The following PRKG1 variants were observed in gnomAD, a reference collection of about 807,000 sequenced individuals.
The protein encoded by PRKG1 is cGMP-dependent protein kinase 1.
In PRKG1, 35 loss-of-function variants were observed where a neutral mutation model predicts 88.1. That is an observed-to-expected ratio of 0.40 (90% CI 0.30 to 0.53). PRKG1 has a LOEUF of 0.53. Among genes scored for constraint, PRKG1 ranks in the 20% least tolerant of loss-of-function variants. The pLI, the probability that PRKG1 is intolerant of heterozygous loss-of-function variation, is 0.59. For synonymous variants in PRKG1, 303 were observed against 292.5 expected (o/e 1.04, Z -0.37); for missense variants, 540 against 839.8 (o/e 0.64, Z 4.41).
intron 1 of PRKG1, among the ~76,000 whole-genome samples, chr10:51,009,355 T>A (rs1439340859): frequency 6.6e-6 from 1 of 152,214 alleles, no homozygotes; most frequent in Admixed American, 6.5e-5. Context: ...ATAAACTATT[T>A]TTAAGTTAAC....
chr10:51,853,630 T>A (rs1840611129), intron 4 of PRKG1, among the ~76,000 whole-genome samples: 3 of 152,186 alleles, frequency 2.0e-5, no homozygotes, highest in Admixed American at 2.0e-4. Context: ...AGCTTAAGTA[T>A]GTTTGCAAAG....
intron 3 of PRKG1, among the ~76,000 whole-genome samples, chr10:51,627,959 T>C (rs1294394899): frequency 4.6e-5 from 1 of 21,646 alleles, no homozygotes; most frequent in Non-Finnish European, 1.3e-4. Context: ...TCTTTCTTTC[T>C]TTCTTTCTTT....
intron 2 of PRKG1, among the ~76,000 whole-genome samples, chr10:51,467,355 G>A (rs1360170550): frequency 6.6e-6 from 1 of 152,080 alleles, no homozygotes; most frequent in East Asian, 1.9e-4. Flanking sequence ...CAAGTATGAA[G>A]TGTGCTGTAG....
At chr10:51,224,373 A>C (rs1001932006) in intron 2 of PRKG1, among the ~76,000 whole-genome samples, 8 of 152,218 alleles carry the variant, frequency 5.3e-5, no homozygotes, top group African/African-American at 1.9e-4. Flanking sequence ...CGATCTCTTC[A>C]GCCTTGTTCC....
rs536474896 is a variant in PRKG1, at chr10:51,125,550, C to T, written c.312-27614C>T. On this transcript the variant is annotated intron_variant, in intron 1 of 17. Transcript: ENST00000373980. ...TACAAAAATTAGCTGGGCATGATGG[C>T]GGGTGCCTGTAATCCCAGCTACTTG... is the stretch of plus-strand genomic sequence containing the variant. 6.0e-5 allele frequency among the ~76,000 whole-genome samples: 9 copies of T among 149,204 alleles called. No individual in the cohort carries two copies. In the South Asian group the frequency reaches 1.5e-3, roughly 24 times the overall value.
chr10:51,375,760 G>GT (rs887492553), intron 2 of PRKG1, among the ~76,000 whole-genome samples: 1 of 143,212 alleles, frequency 7.0e-6, no homozygotes, highest in African/African-American at 2.6e-5. Context: ...GTGGTGGGGG[G>GT]GTGTTACTAT....
intron 3 of PRKG1, among the ~76,000 whole-genome samples, chr10:51,708,175 T>G (rs1157124867): frequency 1.3e-5 from 2 of 152,170 alleles, no homozygotes; most frequent in Non-Finnish European, 2.9e-5. Flanking sequence ...TTTTTCCTGA[T>G]CCTCTCTCCT....
chr10:51,550,060 C>T lies in PRKG1; in HGVS notation c.592+82224C>T, dbSNP rs575157236. On this transcript the variant is annotated intron_variant, in intron 3 of 17. Transcript: ENST00000373980. ...GAATTGTGTCACCTTTAATAATACT[C>T]AATTCCCTTCCTGTGTATCATCAAA... Among the ~76,000 whole-genome samples, 5 of 152,232 alleles carry T rather than the reference C, an allele frequency of 3.3e-5. No individual in the cohort carries two copies. The South Asian group carries it at 1.0e-3, about 32-fold the overall frequency.
chr10:51,046,242 A>G (rs1430606368), intron 1 of PRKG1, among the ~76,000 whole-genome samples: 2 of 152,236 alleles, frequency 1.3e-5, no homozygotes, highest in East Asian at 3.8e-4. Context: ...CCAAGTAAGT[A>G]CATTCCAGAT....
intron 2 of PRKG1, among the ~76,000 whole-genome samples, chr10:51,319,161 T>C (rs1425872506): frequency 6.6e-6 from 1 of 152,160 alleles, no homozygotes; most frequent in Non-Finnish European, 1.5e-5. Context: ...CTCCACTTAC[T>C]CCCTTGAAGG....
chr10:52,041,053 A>G (rs1348225714), intron 5 of PRKG1, among the ~76,000 whole-genome samples: 2 of 151,666 alleles, frequency 1.3e-5, no homozygotes, highest in Non-Finnish European at 2.9e-5. Flanking sequence ...TGGCCAGGCT[A>G]GTTTTGAACT....
chr10:51,607,694 A>G (rs959666123), intron 3 of PRKG1, among the ~76,000 whole-genome samples: 18 of 152,230 alleles, frequency 1.2e-4, no homozygotes, highest in Non-Finnish European at 2.1e-4. Flanking sequence ...AAGAAAAGAG[A>G]TAAGTGCCTA....
chr10:51,915,602 G>C (rs1169603036), intron 5 of PRKG1, among the ~76,000 whole-genome samples: 3 of 151,924 alleles, frequency 2.0e-5, no homozygotes, highest in Non-Finnish European at 2.9e-5. Context: ...AAAAAGAGAA[G>C]AGCTTAAGAA....
chr10:51,631,726 C>T (rs532441293), intron 3 of PRKG1, among the ~76,000 whole-genome samples: 8 of 152,296 alleles, frequency 5.3e-5, no homozygotes, highest in Non-Finnish European at 1.2e-4. Context: ...CAATAGCGTT[C>T]GCGCTCCTGT....
chr10:51,598,323 C>T (rs1370094284), intron 3 of PRKG1, among the ~76,000 whole-genome samples: 1 of 152,118 alleles, frequency 6.6e-6, no homozygotes, highest in Non-Finnish European at 1.5e-5. Flanking sequence ...ACCCAGGCTG[C>T]AGTGCAATGT....
At position 51,340,099 on chromosome 10, in the gene PRKG1, G is replaced by A. The variant is rs146723972; in HGVS notation, c.479-127624G>A. ...CATTTTATAGGAGAATCAGTCTTAG[G>A]ATGATTATCCATTGACTTTTTGAAA... On this transcript the variant is annotated intron_variant, in intron 2 of 17. Coordinates refer to ENST00000373980, the MANE Select transcript of PRKG1 (RefSeq NM_006258.4). 1.3e-4 allele frequency among the ~76,000 whole-genome samples: 20 copies of A among 152,192 alleles called. No homozygotes were observed. The East Asian group carries it at 3.7e-3, about 28-fold the overall frequency.
chr10:51,751,939 TAGTC>T (rs769209433), intron 3 of PRKG1, among the ~76,000 whole-genome samples: 8 of 152,136 alleles, frequency 5.3e-5, no homozygotes, highest in Non-Finnish European at 8.8e-5. Flanking sequence ...AATAAACAAA[TAGTC>T]AGTGCATATA....
intron 2 of PRKG1, among the ~76,000 whole-genome samples, chr10:51,322,615 C>T (rs1018525023): frequency 1.2e-4 from 18 of 152,264 alleles, no homozygotes; most frequent in Admixed American, 7.2e-4. Context: ...GCCTATGTGC[C>T]AAGAAGTGTG....
chr10:52,138,057 C>T (rs1485012817), intron 8 of PRKG1, among the ~76,000 whole-genome samples: 1 of 151,992 alleles, frequency 6.6e-6, no homozygotes, highest in Non-Finnish European at 1.5e-5. Flanking sequence ...TAACTCTATC[C>T]CTGATTCACT....
Sources: allele counts gnomAD v4.1 joint callset (sites outside exome capture counted in the v4.1 genomes callset), GRCh38; gene constraint gnomAD v4.1.1; transcripts MANE v1.5; gene names NCBI Gene and HGNC (gene_info 2026-07-23, HGNC 2026-07-21).